TAF1D: variants seen among roughly 807,000 people sequenced by gnomAD.
TAF1D encodes TATA box-binding protein-associated factor RNA polymerase I subunit D.
In TAF1D, 23 loss-of-function variants were observed where a neutral mutation model predicts 26.2. The ratio of observed to expected loss-of-function variants is 0.88; its 90% confidence interval spans 0.63 to 1.25. The LOEUF (loss-of-function observed/expected upper bound fraction) is 1.25. Ranked by LOEUF, TAF1D falls within the 50% of genes most tolerant of loss-of-function variation. TAF1D has a pLI of 0.00. For synonymous variants in TAF1D, 100 were observed against 105.6 expected (o/e 0.95, Z 0.33); for missense variants, 299 against 322.0 (o/e 0.93, Z 0.55).
chr11:93,732,504 T>C (rs750876304), downstream of TAF1D: 2 of 513,490 alleles, frequency 3.9e-6, no homozygotes, highest in South Asian at 1.4e-5. Context: ...AGTGCAATTA[T>C]GACTGAACTG....
At chr11:93,732,502 T>G (rs1268754222), downstream of TAF1D, 1 of 516,886 alleles carries the variant, frequency 1.9e-6, no homozygotes, top group East Asian at 5.5e-5. Flanking sequence ...GCAGTGCAAT[T>G]ATGACTGAAC....
chr11:93,733,157 A>G, downstream of TAF1D: 1 of 501,884 alleles, frequency 2.0e-6, no homozygotes, highest in South Asian at 1.4e-5. Context: ...TAGAAAGGAT[A>G]CATTTCCAGT....
downstream of TAF1D, chr11:93,730,874 G>T: frequency 4.6e-6 from 2 of 435,968 alleles, no homozygotes; most frequent in Non-Finnish European, 4.5e-6. Flanking sequence ...AAGCAAATTT[G>T]CATGATTCAA....
chr11:93,730,306 A>AT, exon 12 of TAF1D: 2 of 1,376,028 alleles, frequency 1.5e-6, no homozygotes, highest in Non-Finnish European at 1.0e-6. Context: ...TTAATTGTGT[A>AT]TATGTAGCAT....
At chr11:93,732,138 A>G (rs1939199514), downstream of TAF1D, 1 of 517,794 alleles carries the variant, frequency 1.9e-6, no homozygotes, top group East Asian at 5.4e-5. Context: ...GAGGCATTGT[A>G]AAAGTCTTTA....
Position 93,738,268 on chromosome 11 carries a change from C to CT in TAF1D, c.299dup (p.Pro101AlafsTer22). On this transcript the variant is annotated frameshift_variant, in exon 3 of 6. Transcript: ENST00000448108. LOFTEE classifies it high-confidence loss of function. The stretch of plus-strand genomic sequence containing the variant: ...GTCTTCCCCGTGGTCTTCCTGTTGG[C>CT]TGGTACCTCCTCTTTTTCTTTTTTT... 6.2e-7 allele frequency: 1 copy of CT among 1,612,216 alleles called. No individual in the cohort carries two copies. The highest frequency in any genetic ancestry group is 1.1e-5 in the South Asian group (1 of 90,640).
At chr11:93,738,867 T>C (rs1337086345) in intron 2 of TAF1D, 3 of 303,392 alleles carry the variant, frequency 9.9e-6, no homozygotes, top group East Asian at 1.4e-4. Context: ...ATGCTCAGCT[T>C]ACAAAAAAAC....
At chr11:93,736,434 A>G in intron 5 of TAF1D, 130 bp from the exon 6 acceptor site, 1 of 1,423,214 alleles carries the variant, frequency 7.0e-7, no homozygotes, top group Non-Finnish European at 9.1e-7. Flanking sequence ...AATCCAAATT[A>G]ACATTGCTTA....
rs199629925 is a variant in TAF1D at position 93,737,272 on chromosome 11, A to T, written c.460-33T>A. ...TTAAAAACACCATAAGTATGTCGAG[A>T]TTTTATTTTTAAGACCCAGCAGGTG... On this transcript the variant is annotated intron_variant, in intron 3 of 5. Transcript: ENST00000448108. 1.1e-5 allele frequency: 17 copies of T among 1,502,758 alleles called. 1 individual carries two copies. The South Asian group carries it at 1.7e-4, about 15-fold the overall frequency. 93.1% of individuals were successfully genotyped at this position (1,502,758 alleles called of 1,614,324 possible).
At chr11:93,730,298 A>G (rs1938278926) in exon 12 of TAF1D, 2 of 1,439,798 alleles carry the variant, frequency 1.4e-6, no homozygotes, top group Non-Finnish European at 1.9e-6. Flanking sequence ...AAGGTTTTTT[A>G]ATTGTGTATA....
In TAF1D at chr11:93,736,037, TTATAA is replaced by T; in HGVS notation, c.*119_*123del. The T allele has an allele frequency of 6.9e-7, 1 of 1,442,080 alleles. No homozygotes were observed. Among genetic ancestry groups the T allele is most frequent in the Non-Finnish European group, 9.1e-7 (1 of 1,102,330 alleles). The allele number at this position is 1,442,080 out of a possible 1,614,324, so 89.3% of individuals were successfully genotyped here. On this transcript the variant is annotated 3_prime_UTR_variant, in exon 6 of 6. Transcript: ENST00000448108. ...ACAGGGTTAAAAATTTTTTTTCTTG[TTATAA>T]AGTTCTGGGTTTCAGAATTTCTTCA...
At position 93,738,494 on chromosome 11, in the gene TAF1D, T is replaced by C. The variant is rs1460186213; in HGVS notation, c.74A>G (p.Asn25Ser). The part of the protein sequence containing the change: ...DAVELANRSD[N>S]SSDSSLFKTQ... ...TTTAAATAAGCTGCTATCAGAAGAG[T>C]TATCACTAGAAAAATGGGAAAAAAA... is the stretch of plus-strand genomic sequence containing the variant. The change falls in exon 3 of 6, where the codon AAC becomes AGC. Residue 25 changes from asparagine to serine, a missense_variant. Transcript: ENST00000448108. 3 of 1,559,446 alleles carry C rather than the reference T, an allele frequency of 1.9e-6. No individual in the cohort carries two copies. The East Asian group carries it at 6.8e-5, about 35-fold the overall frequency.
downstream of TAF1D, chr11:93,731,743 A>G: frequency 2.8e-6 from 1 of 351,766 alleles, no homozygotes; most frequent in Non-Finnish European, 5.6e-6. Flanking sequence ...TAAGTAATGA[A>G]TTAACTTACC....
At chr11:93,734,948 A>C (rs1233908852), downstream of TAF1D, 1 of 993,114 alleles carries the variant, frequency 1.0e-6, no homozygotes, top group African/African-American at 1.7e-5. Flanking sequence ...ATTTTTGTGG[A>C]GATGTGTTTC....
At chr11:93,731,149 C>T, downstream of TAF1D, 1 of 476,344 alleles carries the variant, frequency 2.1e-6, no homozygotes, top group South Asian at 1.6e-5. Context: ...CCATTACTTG[C>T]CATAATTACT....
At chr11:93,739,160 ATTATC>A in intron 2 of TAF1D, 72 bp downstream of exon 2, 1 of 1,203,280 alleles carries the variant, frequency 8.3e-7, no homozygotes, top group Non-Finnish European at 1.2e-6. Flanking sequence ...ATTCCTGAAA[ATTATC>A]TTTACTGTCA....
chr11:93,735,862 T>C lies in TAF1D; in HGVS notation c.*299A>G, dbSNP rs1940665097. The C allele has an allele frequency of 8.9e-7, 1 of 1,117,894 alleles. No homozygotes were observed. The highest frequency in any genetic ancestry group is 1.7e-5 in the African/African-American group (1 of 60,166). The allele number at this position is 1,117,894 out of a possible 1,614,324, so 69.2% of individuals were successfully genotyped here. A position where few individuals can be genotyped will look rare whatever the true frequency, so the allele number is the denominator to read the frequency against. On this transcript the variant is annotated 3_prime_UTR_variant, in exon 6 of 6. Coordinates refer to ENST00000448108, the MANE Select transcript of TAF1D (RefSeq NM_024116.4). ...TTTTCAAAATTAAAATCACTACATT[T>C]CATTGTTTCAATACTCACAGGACAC...
chr11:93,736,773 T>C (rs751655378), intron 4 of TAF1D, 22 bp from the exon 5 acceptor site: 3 of 1,600,586 alleles, frequency 1.9e-6, no homozygotes, highest in East Asian at 2.3e-5. Context: ...AAATTTATCA[T>C]CGAGATGACA....
chr11:93,736,441 C>G, intron 5 of TAF1D, 137 bp from the exon 6 acceptor site: 1 of 1,422,316 alleles, frequency 7.0e-7, no homozygotes, highest in Non-Finnish European at 9.1e-7. Flanking sequence ...ATTAACATTG[C>G]TTATTTTTTC....
Sources: gnomAD v4.1 joint callset for allele counts on GRCh38, gnomAD v4.1.1 for gene constraint, MANE v1.5 for transcripts, NCBI Gene and HGNC (gene_info 2026-07-23, HGNC 2026-07-21) for gene names.